The following CATSPERT variants were observed in gnomAD, a reference collection of about 807,000 sequenced individuals.
CATSPERT encodes cation channel sperm-associated targeting subunit tau.
At chr2:201,517,974 A>G in the CATSPERT span, among the ~76,000 whole-genome samples, 3 of 152,200 alleles carry the variant, frequency 2.0e-5, no homozygotes, top group Admixed American at 6.5e-5. Context: ...CCAAAACCCC[A>G]AAGGGTGTCT....
the CATSPERT span, chr2:201,491,935 A>C: frequency 2.6e-6 from 4 of 1,536,814 alleles, no homozygotes; most frequent in Non-Finnish European, 3.5e-6. Context: ...ATCTGTAAGT[A>C]TTTCTGATGA....
At chr2:201,540,789 T>G in the CATSPERT span, among the ~76,000 whole-genome samples, 1 of 152,244 alleles carries the variant, frequency 6.6e-6, no homozygotes, top group Non-Finnish European at 1.5e-5. Context: ...TTTCAAGTCC[T>G]CTCATTTCAG....
the CATSPERT span, among the ~76,000 whole-genome samples, chr2:201,610,717 A>T: frequency 6.6e-6 from 1 of 152,188 alleles, no homozygotes; most frequent in South Asian, 2.1e-4. Flanking sequence ...AATCTTCAAC[A>T]AAATACTAGC....
chr2:201,615,469 C>T, the CATSPERT span, among the ~76,000 whole-genome samples: 23 of 152,212 alleles, frequency 1.5e-4, no homozygotes, highest in Non-Finnish European at 2.5e-4. Context: ...GGGTACATAA[C>T]GAAATGAAGG....
At chr2:201,512,166 T>A in the CATSPERT span, among the ~76,000 whole-genome samples, 2 of 152,194 alleles carry the variant, frequency 1.3e-5, no homozygotes, top group Non-Finnish European at 2.9e-5. Flanking sequence ...AAGAAAAACA[T>A]CTTAGGTAAG....
chr2:201,563,459 C>CAGA, the CATSPERT span, among the ~76,000 whole-genome samples: 2 of 5,214 alleles, frequency 3.8e-4, no homozygotes, highest in African/African-American at 1.3e-3. Context: ...GCTGGCCGGG[C>CAGA]GGGGGGCTGA....
At chr2:201,535,675 A>T in the CATSPERT span, 3 of 1,200,348 alleles carry the variant, frequency 2.5e-6, no homozygotes, top group South Asian at 8.1e-5. Flanking sequence ...TTTTATCCTC[A>T]TTTCTTGATT....
At chr2:201,583,833 A>G in the CATSPERT span, among the ~76,000 whole-genome samples, 1 of 152,234 alleles carries the variant, frequency 6.6e-6, no homozygotes, top group African/African-American at 2.4e-5. Context: ...AATTTTAAAG[A>G]GCTATGTTTA....
chr2:201,599,765 A>G, the CATSPERT span, among the ~76,000 whole-genome samples: 7 of 152,222 alleles, frequency 4.6e-5, no homozygotes, highest in Admixed American at 4.6e-4. Flanking sequence ...GATTTTGATT[A>G]TGCTAATGAA....
the CATSPERT span, among the ~76,000 whole-genome samples, chr2:201,614,597 G>A: frequency 6.6e-6 from 1 of 152,182 alleles, no homozygotes; most frequent in Non-Finnish European, 1.5e-5. Context: ...ACCAGCCACT[G>A]CAAAAACATG....
At chr2:201,534,492 A>C in the CATSPERT span, 1 of 985,400 alleles carries the variant, frequency 1.0e-6, no homozygotes, top group Non-Finnish European at 1.2e-6. Flanking sequence ...AGTGGTTAAT[A>C]TCTTGAAAAT....
the CATSPERT span, among the ~76,000 whole-genome samples, chr2:201,605,131 C>G: frequency 1.3e-3 from 199 of 151,852 alleles, 1 homozygote; most frequent in African/African-American, 4.4e-3. Flanking sequence ...CATATACATG[C>G]ACATGCACAC....
the CATSPERT span, among the ~76,000 whole-genome samples, chr2:201,503,765 T>C: frequency 6.6e-6 from 1 of 152,014 alleles, no homozygotes. Context: ...GATAAATTTT[T>C]TTTTCTTTCT....
the CATSPERT span, among the ~76,000 whole-genome samples, chr2:201,563,277 G>A: frequency 4.3e-4 from 56 of 128,938 alleles, no homozygotes; most frequent in Middle Eastern, 4.9e-3. Context: ...GGGCAGAGGC[G>A]CCCCTCACCT....
At chr2:201,514,437 GATC>G in the CATSPERT span, among the ~76,000 whole-genome samples, 3 of 152,140 alleles carry the variant, frequency 2.0e-5, no homozygotes, top group Non-Finnish European at 1.5e-5. Context: ...AAAAACATAT[GATC>G]ATATCAGTAA....
chr2:201,494,284 A>C, the CATSPERT span: 1 of 1,537,094 alleles, frequency 6.5e-7, no homozygotes, highest in South Asian at 1.2e-5. Context: ...TTTGTCTGAA[A>C]GGTCTTGCAG....
the CATSPERT span, among the ~76,000 whole-genome samples, chr2:201,503,365 C>T: frequency 6.6e-6 from 1 of 152,126 alleles, no homozygotes; most frequent in African/African-American, 2.4e-5. Context: ...GTAGCTGGGA[C>T]TTCAGGCACA....
chr2:201,612,949 C>A, the CATSPERT span, among the ~76,000 whole-genome samples: 1 of 152,146 alleles, frequency 6.6e-6, no homozygotes, highest in Non-Finnish European at 1.5e-5. Flanking sequence ...AGCTTTGCTC[C>A]CTGCTAGCAC....
the CATSPERT span, among the ~76,000 whole-genome samples, chr2:201,562,648 C>A: frequency 6.1e-5 from 9 of 147,148 alleles, no homozygotes; most frequent in Non-Finnish European, 1.4e-4. Context: ...TTTTCCTAGG[C>A]AGAGGACCCT....
Sources: allele counts gnomAD v4.1 joint callset (sites outside exome capture counted in the v4.1 genomes callset), GRCh38; gene constraint gnomAD v4.1.1; transcripts MANE v1.5; gene names NCBI Gene and HGNC (gene_info 2026-07-23, HGNC 2026-07-21).